The following OR2L13 variants were observed in gnomAD, a reference collection of about 807,000 sequenced individuals.
The protein encoded by OR2L13 is olfactory receptor family 2 subfamily L member 13.
A neutral mutation model predicts 15.3 loss-of-function variants in OR2L13; 14 were observed. That is an observed-to-expected ratio of 0.91 (90% CI 0.60 to 1.43). The LOEUF (loss-of-function observed/expected upper bound fraction) is 1.43. OR2L13 is among the 40% of genes most tolerant of loss of function. OR2L13 has a pLI of 0.00. For synonymous variants in OR2L13, 152 were observed against 142.9 expected, an observed-to-expected ratio of 1.06 and a Z score of -0.45; for missense variants, 367 against 387.9, an observed-to-expected ratio of 0.95 and a Z score of 0.45.
At chr1:248,033,737 C>T in the OR2L13 span, among the ~76,000 whole-genome samples, 1 of 152,008 alleles carries the variant, frequency 6.6e-6, no homozygotes, top group Non-Finnish European at 1.5e-5. Flanking sequence ...GCCATGGCAC[C>T]TGTCCTCTCT....
At chr1:248,044,164 C>T in the OR2L13 span, among the ~76,000 whole-genome samples, 1 of 152,058 alleles carries the variant, frequency 6.6e-6, no homozygotes. Context: ...TGGAGTCGCT[C>T]TGGTTCAAAA....
the OR2L13 span, among the ~76,000 whole-genome samples, chr1:247,951,787 G>T: frequency 6.6e-6 from 1 of 152,160 alleles, no homozygotes; most frequent in Admixed American, 6.5e-5. Flanking sequence ...GGGAAAATAG[G>T]CATCCCATCA....
the OR2L13 span, chr1:248,038,067 A>G: frequency 2.2e-6 from 1 of 464,256 alleles, no homozygotes; most frequent in South Asian, 4.1e-5. Context: ...ATTTTTGTTA[A>G]TCTCTTCCTT....
At chr1:248,098,664 A>C (rs1034886661) in exon 2 of OR2L13, 5 of 152,226 alleles carry the variant, frequency 3.3e-5, no homozygotes, top group Non-Finnish European at 7.3e-5. Flanking sequence ...AAGTTGAAAA[A>C]TCAGTAACCC....
the OR2L13 span, among the ~76,000 whole-genome samples, chr1:248,004,321 T>G: frequency 7.9e-5 from 12 of 152,224 alleles, no homozygotes; most frequent in Admixed American, 7.9e-4. Flanking sequence ...ATGAGAATGT[T>G]TGTTTTTAGT....
chr1:248,021,287 A>AT, the OR2L13 span, among the ~76,000 whole-genome samples: 13 of 152,132 alleles, frequency 8.5e-5, no homozygotes, highest in South Asian at 6.2e-4. Context: ...AGAGAATACG[A>AT]TTTTTTTTCT....
At chr1:248,070,969 T>C in the OR2L13 span, among the ~76,000 whole-genome samples, 1 of 152,162 alleles carries the variant, frequency 6.6e-6, no homozygotes, top group Non-Finnish European at 1.5e-5. Context: ...GGCTCTGAAA[T>C]TGTGGCAATA....
chr1:248,016,189 T>C, the OR2L13 span, among the ~76,000 whole-genome samples: 1 of 152,222 alleles, frequency 6.6e-6, no homozygotes, highest in Non-Finnish European at 1.5e-5. Flanking sequence ...AATGATACAT[T>C]CTGACTTCAA....
the OR2L13 span, among the ~76,000 whole-genome samples, chr1:248,037,790 A>G: frequency 6.6e-6 from 1 of 152,208 alleles, no homozygotes; most frequent in African/African-American, 2.4e-5. Context: ...GTCTGAAAAT[A>G]TTGCATGGAA....
At chr1:247,971,564 C>G in the OR2L13 span, among the ~76,000 whole-genome samples, 2 of 152,148 alleles carry the variant, frequency 1.3e-5, no homozygotes, top group African/African-American at 4.8e-5. Flanking sequence ...TAACCCTCAT[C>G]TAGATAAAGT....
chr1:248,066,188 C>T, the OR2L13 span, among the ~76,000 whole-genome samples: 105,331 of 152,124 alleles, frequency 0.69, 41,573 homozygotes, highest in South Asian at 0.9. Flanking sequence ...AAGCATCTTG[C>T]TTTGACCATT....
At chr1:247,966,331 CTG>C in the OR2L13 span, 4 of 1,609,616 alleles carry the variant, frequency 2.5e-6, no homozygotes, top group South Asian at 4.4e-5. Context: ...CTTCAGATCT[CTG>C]TATTGATTGA....
chr1:247,974,860 G>C, the OR2L13 span: 1 of 234,108 alleles, frequency 4.3e-6, no homozygotes. Context: ...GCTTTAATTG[G>C]CAATCAGTCC....
the OR2L13 span, among the ~76,000 whole-genome samples, chr1:248,006,693 G>T: frequency 1.3e-5 from 2 of 152,070 alleles, no homozygotes. Flanking sequence ...AAATGACTAG[G>T]TCATGAGGGT....
the OR2L13 span, among the ~76,000 whole-genome samples, chr1:247,998,153 G>A: frequency 2.0e-5 from 3 of 152,114 alleles, no homozygotes; most frequent in Non-Finnish European, 4.4e-5. Flanking sequence ...AAGTGCTTAA[G>A]AGGACTTTGT....
chr1:248,077,735 T>A, the OR2L13 span, among the ~76,000 whole-genome samples: 1 of 152,150 alleles, frequency 6.6e-6, no homozygotes, highest in African/African-American at 2.4e-5. Flanking sequence ...AAAGGGAGAT[T>A]AGAAGAAAAT....
At chr1:248,085,873 T>A in the OR2L13 span, among the ~76,000 whole-genome samples, 1 of 152,096 alleles carries the variant, frequency 6.6e-6, no homozygotes, top group Admixed American at 6.6e-5. Flanking sequence ...CAGTTCACAA[T>A]AGGGCTCACA....
At chr1:247,953,698 T>C in the OR2L13 span, among the ~76,000 whole-genome samples, 1 of 152,168 alleles carries the variant, frequency 6.6e-6, no homozygotes, top group Non-Finnish European at 1.5e-5. Context: ...TTTTTTGGCA[T>C]GCAGCAAGCT....
the OR2L13 span, among the ~76,000 whole-genome samples, chr1:248,055,106 A>G: frequency 6.6e-6 from 1 of 152,174 alleles, no homozygotes; most frequent in African/African-American, 2.4e-5. Flanking sequence ...ATTTTGATGT[A>G]TGTTCCTTAA....
Sources: allele counts gnomAD v4.1 joint callset (sites outside exome capture counted in the v4.1 genomes callset), GRCh38; gene constraint gnomAD v4.1.1; transcripts MANE v1.5; gene names NCBI Gene and HGNC (gene_info 2026-07-23, HGNC 2026-07-21).